MME: variants seen among roughly 807,000 people sequenced by gnomAD.
MME encodes membrane metalloendopeptidase, also known as neprilysin.
MME carries 98 observed loss-of-function variants against 113.2 expected under a neutral mutation model. The observed-to-expected ratio is 0.87, with a 90% confidence interval of 0.74 to 1.02. MME has a LOEUF of 1.02. Ranked by LOEUF, MME falls within the 50% of genes least tolerant of loss-of-function variation. The pLI, the probability that MME is intolerant of heterozygous loss-of-function variation, is 0.00. For synonymous variants in MME, 292 were observed against 300.6 expected, an observed-to-expected ratio of 0.97 and a Z score of 0.30; for missense variants, 836 against 896.0, an observed-to-expected ratio of 0.93 and a Z score of 0.86.
chr3:155,051,186 C>G (rs1263603093), intron 1 of MME, among the ~76,000 whole-genome samples: 3 of 152,116 alleles, frequency 2.0e-5, no homozygotes, highest in Non-Finnish European at 4.4e-5. Flanking sequence ...ACATCCTGAA[C>G]AATATTTTGC....
At chr3:155,169,242 G>A (rs1711646554) in intron 20 of MME, among the ~76,000 whole-genome samples, 1 of 152,108 alleles carries the variant, frequency 6.6e-6, no homozygotes, top group Admixed American at 6.6e-5. Flanking sequence ...TAAACCACAG[G>A]CATATTAAAC....
chr3:155,119,327 T>A (rs149904674), intron 8 of MME, among the ~76,000 whole-genome samples: 3 of 151,940 alleles, frequency 2.0e-5, no homozygotes, highest in African/African-American at 7.3e-5. Flanking sequence ...GGGCATCATA[T>A]CCCATAGTGG....
At chr3:155,026,770 T>C (rs1187952224) in intron 1 of MME, among the ~76,000 whole-genome samples, 1 of 151,918 alleles carries the variant, frequency 6.6e-6, no homozygotes, top group Non-Finnish European at 1.5e-5. Context: ...AAAAGAAGCC[T>C]CTTAAGTAAT....
intron 15 of MME, among the ~76,000 whole-genome samples, 168 bp downstream of exon 15, chr3:155,147,392 G>C (rs1336350307): frequency 1.3e-5 from 2 of 151,982 alleles, no homozygotes; most frequent in African/African-American, 4.8e-5. Context: ...TAGCCTTTTT[G>C]TTTTCATTAG....
chr3:155,165,323 C>A (rs1723015321), intron 17 of MME, among the ~76,000 whole-genome samples: 1 of 151,954 alleles, frequency 6.6e-6, no homozygotes, highest in African/African-American at 2.4e-5. Context: ...GAAATATATT[C>A]CAAGGGAAGA....
intron 3 of MME, among the ~76,000 whole-genome samples, chr3:155,093,437 C>T (rs1716461381): frequency 6.6e-6 from 1 of 152,116 alleles, no homozygotes; most frequent in South Asian, 2.1e-4. Flanking sequence ...GTGTACCAGC[C>T]ATCTGGATCA....
At chr3:155,158,345 TA>T (rs1722458828) in intron 16 of MME, 1 of 152,114 alleles carries the variant, frequency 6.6e-6, no homozygotes, top group Non-Finnish European at 1.5e-5. Context: ...AATTAACTTT[TA>T]TAGCAGTTAA....
intron 16 of MME, among the ~76,000 whole-genome samples, chr3:155,151,768 T>TA (rs918859327): frequency 4.0e-5 from 6 of 151,438 alleles, no homozygotes; most frequent in South Asian, 2.1e-4. Flanking sequence ...ATCTCCATTT[T>TA]AAAAAAAAAG....
chr3:155,143,183 C>G (rs573304628), intron 12 of MME, among the ~76,000 whole-genome samples: 1 of 152,248 alleles, frequency 6.6e-6, no homozygotes, highest in Non-Finnish European at 1.5e-5. Context: ...GTTTTTCTAA[C>G]GCTTTCTACA....
intron 22 of MME, among the ~76,000 whole-genome samples, chr3:155,177,940 G>T (rs747982564): frequency 1.3e-5 from 2 of 152,070 alleles, no homozygotes; most frequent in African/African-American, 2.4e-5. Context: ...GCTGGAGTCA[G>T]TGGTTCCATT....
Position 155,084,948 on chromosome 3 carries a change from T to A in MME, c.161-111T>A, listed in dbSNP as rs1350923943. 9 of 682,206 alleles carry A rather than the reference T, an allele frequency of 1.3e-5. No homozygotes were observed. In the South Asian group the frequency reaches 1.6e-4, roughly 12 times the overall value. 42.3% of individuals were successfully genotyped at this position (682,206 alleles called of 1,614,324 possible). On this transcript the variant is annotated intron_variant, in intron 2 of 22. Coordinates refer to ENST00000360490, the MANE Select transcript of MME (RefSeq NM_007289.4). ...ATATATAATGTTCAGTTTTTAGTTC[T>A]TGCTTTAAGAAATTGCTTATTTAAT...
intron 3 of MME, among the ~76,000 whole-genome samples, chr3:155,109,077 T>C (rs1484737652): frequency 6.6e-6 from 1 of 152,166 alleles, no homozygotes; most frequent in African/African-American, 2.4e-5. Context: ...CCTATGAGCC[T>C]CATGAGATAT....
At chr3:155,102,006 T>C (rs1324084234) in intron 3 of MME, among the ~76,000 whole-genome samples, 1 of 152,140 alleles carries the variant, frequency 6.6e-6, no homozygotes, top group Non-Finnish European at 1.5e-5. Context: ...TCACACCTAT[T>C]AGGAGGGGGG....
intron 3 of MME, among the ~76,000 whole-genome samples, chr3:155,104,786 A>T (rs1717554742): frequency 1.3e-5 from 2 of 152,194 alleles, no homozygotes; most frequent in African/African-American, 2.4e-5. Flanking sequence ...GCTTTAGTTT[A>T]AAAAAGGAAC....
intron 1 of MME, among the ~76,000 whole-genome samples, chr3:155,037,876 G>A (rs1713176374): frequency 6.6e-6 from 1 of 152,062 alleles, no homozygotes; most frequent in African/African-American, 2.4e-5. Context: ...GAATTCAAGA[G>A]TGAATAAAAA....
At chr3:155,036,694 A>G (rs901778849) in intron 1 of MME, among the ~76,000 whole-genome samples, 5 of 152,056 alleles carry the variant, frequency 3.3e-5, no homozygotes, top group African/African-American at 1.2e-4. Context: ...TGTAACAAAT[A>G]TTTTCTCCTA....
At chr3:155,069,587 G>T (rs1191169959) in intron 1 of MME, among the ~76,000 whole-genome samples, 4 of 152,132 alleles carry the variant, frequency 2.6e-5, no homozygotes, top group African/African-American at 9.7e-5. Context: ...ATCATTCCTT[G>T]TTATAATGTG....
At position 155,147,167 on chromosome 3, in the gene MME, C is replaced by A. The variant is rs777374821; in HGVS notation, c.1440C>A (p.Ile480=). The A allele has an allele frequency of 6.2e-6, 10 of 1,606,108 alleles. No homozygotes were observed. The highest frequency in any genetic ancestry group is 1.1e-5 in the South Asian group (1 of 90,900). The change falls in exon 15 of 23, where the codon ATC becomes ATA. Residue 480 remains isoleucine (I), a synonymous_variant. Coordinates refer to ENST00000360490, the MANE Select transcript of MME (RefSeq NM_007289.4). ...AGGCCTTAGCAATTAAAGAAAGGAT[C>A]GGCTATCCTGATGACATTGTTTCAA... ...EEKALAIKER[I]GYPDDIVSND... is the part of the protein sequence containing the mutation.
intron 1 of MME, among the ~76,000 whole-genome samples, chr3:155,049,242 GA>G (rs552410779): frequency 4.9e-4 from 75 of 152,172 alleles, no homozygotes; most frequent in African/African-American, 1.7e-3. Context: ...GATAATAATT[GA>G]GATAAGATTA....
Sources: gnomAD v4.1 joint callset for allele counts (sites outside exome capture counted in the v4.1 genomes callset) on GRCh38, gnomAD v4.1.1 for gene constraint, MANE v1.5 for transcripts, NCBI Gene and HGNC (gene_info 2026-07-23, HGNC 2026-07-21) for gene names.